The following SLC38A11 variants were observed in gnomAD, a reference collection of about 807,000 sequenced individuals.
SLC38A11 encodes the protein solute carrier family 38 member 11.
Under a neutral mutation model 49.4 loss-of-function variants are expected in SLC38A11, and 51 were observed. That is an observed-to-expected ratio of 1.03 (90% CI 0.83 to 1.30). The LOEUF (loss-of-function observed/expected upper bound fraction) is 1.30, where lower values mean the gene tolerates loss of function less well. SLC38A11 is among the 50% of genes most tolerant of loss of function. The pLI, the probability that SLC38A11 is intolerant of heterozygous loss-of-function variation, is 0.00. For synonymous variants in SLC38A11, 203 were observed against 192.9 expected (o/e 1.05, Z -0.43); for missense variants, 574 against 556.2 (o/e 1.03, Z -0.32).
intron 1 of SLC38A11, 28 bp from the exon 2 acceptor site, chr2:164,954,773 A>C: frequency 8.5e-7 from 1 of 1,173,924 alleles, no homozygotes; most frequent in Non-Finnish European, 1.2e-6. Context: ...AATTATAAGC[A>C]AATACTAGTT....
rs1185348606 is a variant in SLC38A11, at chr2:164,955,447, C to G, written c.-200G>C. 3.6e-6 allele frequency: 2 copies of G among 557,320 alleles called. No homozygotes were observed. Among genetic ancestry groups the G allele is most frequent in the African/African-American group, 3.9e-5 (2 of 51,594 alleles). The allele number at this position is 557,320 out of a possible 1,614,324, so 34.5% of individuals were successfully genotyped here. On this transcript the variant is annotated 5_prime_UTR_variant, in exon 1 of 12. Transcript: ENST00000685975. ...CCCCAAGATCTCTAGGCTGTGGCAG[C>G]CTGGGGCGCTTTTCCACCGGAGTTC...
chr2:164,895,766 A>G lies in SLC38A11; in HGVS notation c.*2671T>C, dbSNP rs904447457. 3 of 152,206 alleles carry G rather than the reference A, an allele frequency of 2.0e-5. No homozygotes were observed. Among genetic ancestry groups the G allele is most frequent in the Non-Finnish European group, 4.4e-5 (3 of 68,030 alleles). The allele number at this position is 152,206 out of a possible 1,614,324, so 9.4% of individuals were successfully genotyped here. A position where few individuals can be genotyped will look rare whatever the true frequency, so the allele number is the denominator to read the frequency against. On this transcript the variant is annotated 3_prime_UTR_variant, in exon 12 of 12. Coordinates refer to ENST00000685975, the MANE Select transcript of SLC38A11 (RefSeq NM_001351537.2). ...TGAGATCTGGTGCGTTCAGGAAGGTATGGTCATAGACAGTTTACCCATTCT... is the reference window on the plus strand; with the variant it reads ...TGAGATCTGGTGCGTTCAGGAAGGTGTGGTCATAGACAGTTTACCCATTCT...
At chr2:164,926,460 T>C (rs1033032123) in intron 7 of SLC38A11, among the ~76,000 whole-genome samples, 1 of 152,094 alleles carries the variant, frequency 6.6e-6, no homozygotes. Context: ...AATGTTTGCA[T>C]CCCCTCTAAA....
intron 7 of SLC38A11, among the ~76,000 whole-genome samples, chr2:164,929,459 T>C (rs2105483723): frequency 6.6e-6 from 1 of 152,196 alleles, no homozygotes; most frequent in Non-Finnish European, 1.5e-5. Context: ...ACTAATTCTG[T>C]GAGTGAAGTT....
At chr2:164,936,792 C>A (rs1044268995) in intron 7 of SLC38A11, among the ~76,000 whole-genome samples, 6 of 151,868 alleles carry the variant, frequency 4.0e-5, no homozygotes, top group Non-Finnish European at 5.9e-5. Context: ...GAATGAGTAA[C>A]ATTTTTAAAA....
intron 6 of SLC38A11, 51 bp from the exon 7 acceptor site, chr2:164,937,480 A>G (rs1687452518): frequency 1.7e-6 from 2 of 1,190,130 alleles, no homozygotes; most frequent in African/African-American, 3.0e-5. Flanking sequence ...AAATTATTTT[A>G]TTTAAAATGT....
At position 164,897,634 on chromosome 2, in the gene SLC38A11, G is replaced by A. The variant is rs569337429; in HGVS notation, c.*803C>T. On this transcript the variant is annotated 3_prime_UTR_variant, in exon 12 of 12. Coordinates refer to ENST00000685975, the MANE Select transcript of SLC38A11 (RefSeq NM_001351537.2). ...CCCTGATTCTTCTTACACGTTTCTA[G>A]TTTCAAAGTTCAGCTTCCAGTTGTA... 6.6e-5 allele frequency: 10 copies of A among 152,198 alleles called. No individual in the cohort carries two copies. The highest frequency in any genetic ancestry group is 1.3e-4 in the Non-Finnish European group (9 of 68,070). 9.4% of individuals were successfully genotyped at this position (152,198 alleles called of 1,614,324 possible).
intron 5 of SLC38A11, 24 bp downstream of exon 5, chr2:164,944,545 C>A: frequency 8.6e-7 from 1 of 1,160,442 alleles, no homozygotes; most frequent in Non-Finnish European, 1.1e-6. Flanking sequence ...TATTTAAATC[C>A]TCACAATTTT....
chr2:164,925,959 A>T (rs1686547848), intron 7 of SLC38A11, among the ~76,000 whole-genome samples: 2 of 152,118 alleles, frequency 1.3e-5, no homozygotes, highest in South Asian at 4.1e-4. Flanking sequence ...CACCCTAGGT[A>T]ACTCCTGTAC....
chr2:164,930,537 C>T (rs1275196358), intron 7 of SLC38A11, among the ~76,000 whole-genome samples: 1 of 152,100 alleles, frequency 6.6e-6, no homozygotes, highest in Non-Finnish European at 1.5e-5. Context: ...TCCAGTAGCA[C>T]ATCAAAATGC....
chr2:164,949,733 T>A (rs745415493), intron 3 of SLC38A11, among the ~76,000 whole-genome samples: 128 of 152,212 alleles, frequency 8.4e-4, no homozygotes, highest in Non-Finnish European at 6.3e-4. Context: ...AGGAGGACTA[T>A]CAATGGGAAG....
Position 164,915,111 on chromosome 2 carries a change from C to T in SLC38A11, c.850+1G>A. ...CACTATAACTGAATCTCTCATTTTACCTTGGGTGAAGCCAGTAAATGTCAA... is the reference window on the plus strand; with the variant it reads ...CACTATAACTGAATCTCTCATTTTATCTTGGGTGAAGCCAGTAAATGTCAA... On this transcript the variant is annotated splice_donor_variant, in intron 9 of 11. Transcript: ENST00000685975. LOFTEE classifies it high-confidence loss of function. 6.2e-7 allele frequency: 1 copy of T among 1,603,174 alleles called. No homozygotes were observed. The highest frequency in any genetic ancestry group is 8.5e-7 in the Non-Finnish European group (1 of 1,175,508).
Position 164,955,210 on chromosome 2 carries a change from T to C in SLC38A11, c.38A>G (p.Gln13Arg). 6.4e-7 allele frequency: 1 copy of C among 1,550,562 alleles called. No homozygotes were observed. The highest frequency in any genetic ancestry group is 8.7e-7 in the Non-Finnish European group (1 of 1,146,954). ...AACCTGCCTAGTCGCTAGTTTTACCTGCGGCGGGATGACAGGCTCCTGCCT... is the reference window on the plus strand; with the variant it reads ...AACCTGCCTAGTCGCTAGTTTTACCCGCGGCGGGATGACAGGCTCCTGCCT... Reference protein sequence around the residue: ...YQRQEPVIPPQRDLDDRETLV... With the variant: ...YQRQEPVIPPRRDLDDRETLV... Residue 13 changes from glutamine to arginine, a missense_variant and splice_region_variant, in exon 1 of 12, where the codon CAG (glutamine) becomes CGG (arginine). Gln to Arg is a conservative substitution (Grantham distance 43). Transcript: ENST00000685975.
chr2:164,898,628 C>T lies in SLC38A11; in HGVS notation c.1198G>A (p.Val400Ile), dbSNP rs778863993. Residue 400 changes from valine to isoleucine, a missense_variant, in exon 12 of 12, where the codon GTC (valine) becomes ATC (isoleucine). Val to Ile is a conservative substitution (Grantham distance 29). Coordinates refer to ENST00000685975, the MANE Select transcript of SLC38A11 (RefSeq NM_001351537.2). Reference protein sequence around the residue: ...RTHSDKIMSCVMLPIGAVVMV... With the variant: ...RTHSDKIMSCIMLPIGAVVMV... ...ACCACAGCACCAATGGGAAGCATGA[C>T]ACAAGACATAATCTTATCGGAGTGT... 1.1e-5 allele frequency: 18 copies of T among 1,613,476 alleles called. No individual in the cohort carries two copies. Among genetic ancestry groups the T allele is most frequent in the Non-Finnish European group, 1.4e-5 (17 of 1,179,736 alleles).
At chr2:164,921,222 C>CTTA (rs1487055508) in intron 7 of SLC38A11, among the ~76,000 whole-genome samples, 2 of 152,094 alleles carry the variant, frequency 1.3e-5, no homozygotes, top group African/African-American at 2.4e-5. Flanking sequence ...AGAGATAAGG[C>CTTA]TTAAAGGGTT....
intron 4 of SLC38A11, 122 bp from the exon 5 acceptor site, chr2:164,944,756 A>G (rs1687995089): frequency 8.0e-6 from 3 of 377,114 alleles, no homozygotes; most frequent in Admixed American, 4.6e-5. Context: ...TCAAATGTAT[A>G]TTATGATTAC....
At chr2:164,919,872 T>A (rs996999489) in intron 7 of SLC38A11, among the ~76,000 whole-genome samples, 21 of 152,202 alleles carry the variant, frequency 1.4e-4, no homozygotes, top group African/African-American at 5.1e-4. Context: ...CAAGAAATAG[T>A]ATACAGTATA....
chr2:164,915,402 A>G, intron 8 of SLC38A11, 129 bp from the exon 9 acceptor site: 1 of 752,212 alleles, frequency 1.3e-6, no homozygotes, highest in Admixed American at 3.2e-5. Context: ...CTTTATTAAT[A>G]TGTCAGAAAA....
chr2:164,898,311 A>T lies in SLC38A11; in HGVS notation c.*126T>A. 1 of 724,772 alleles carries T rather than the reference A, an allele frequency of 1.4e-6. No homozygotes were observed. Among genetic ancestry groups the T allele is most frequent in the East Asian group, 2.7e-5 (1 of 36,390 alleles). The allele number at this position is 724,772 out of a possible 1,614,324, so 44.9% of individuals were successfully genotyped here. A position where few individuals can be genotyped will look rare whatever the true frequency, so the allele number is the denominator to read the frequency against. ...CTTTATCTTTTATATTGCACTACTC[A>T]TAAAAGCCAAGTCTTGATAAAAGCC... On this transcript the variant is annotated 3_prime_UTR_variant, in exon 12 of 12. Transcript: ENST00000685975.
Sources: gnomAD v4.1 joint callset for allele counts (sites outside exome capture counted in the v4.1 genomes callset) on GRCh38, gnomAD v4.1.1 for gene constraint, MANE v1.5 for transcripts, NCBI Gene and HGNC (gene_info 2026-07-23, HGNC 2026-07-21) for gene names.